The following PARD3 variants were observed in gnomAD, a reference collection of about 807,000 sequenced individuals.
PARD3 encodes the protein par-3 family cell polarity regulator, also known as partitioning defective 3 homolog.
In PARD3, 75 loss-of-function variants were observed where a neutral mutation model predicts 155.4. The observed-to-expected ratio is 0.48, with a 90% CI of 0.40 to 0.58. The LOEUF is 0.58. PARD3 is among the 20% of genes least tolerant of loss of function. The pLI is 0.00. For synonymous variants in PARD3, 576 were observed against 610.5 expected (o/e 0.94, Z 0.83); for missense variants, 1,642 against 1,721.7 (o/e 0.95, Z 0.82).
chr10:34,627,784 A>T (rs1010696813), intron 2 of PARD3, among the ~76,000 whole-genome samples: 3 of 152,208 alleles, frequency 2.0e-5, no homozygotes, highest in Admixed American at 6.5e-5. Context: ...AGTTCTTGGT[A>T]CTTTGTTATG....
At chr10:34,123,984 T>C (rs571223444) in intron 23 of PARD3, among the ~76,000 whole-genome samples, 2 of 152,360 alleles carry the variant, frequency 1.3e-5, no homozygotes, top group African/African-American at 4.8e-5. Context: ...TATATTAACA[T>C]ATACATAGAA....
chr10:34,642,994 T>C (rs1479251927), intron 2 of PARD3, among the ~76,000 whole-genome samples: 2 of 152,196 alleles, frequency 1.3e-5, no homozygotes, highest in Non-Finnish European at 2.9e-5. Flanking sequence ...TCAGAGAAAG[T>C]GGACTTGGCC....
chr10:34,145,241 T>C, intron 22 of PARD3, among the ~76,000 whole-genome samples: 1 of 118,464 alleles, frequency 8.4e-6, no homozygotes, highest in Middle Eastern at 4.7e-3. Context: ...TTTTTTTTTT[T>C]ACAGGATCTT....
At chr10:34,776,369 G>A (rs542079085) in intron 1 of PARD3, among the ~76,000 whole-genome samples, 11 of 152,146 alleles carry the variant, frequency 7.2e-5, no homozygotes, top group Non-Finnish European at 1.2e-4. Context: ...GACAATCTGA[G>A]AAAGACAGAA....
intron 22 of PARD3, among the ~76,000 whole-genome samples, chr10:34,267,926 T>C (rs1955407102): frequency 6.6e-6 from 1 of 152,154 alleles, no homozygotes; most frequent in African/African-American, 2.4e-5. Flanking sequence ...ACACTAAAGC[T>C]TGAGAGCCCC....
At chr10:34,188,969 T>C (rs541947884) in intron 22 of PARD3, among the ~76,000 whole-genome samples, 7 of 152,176 alleles carry the variant, frequency 4.6e-5, no homozygotes, top group Non-Finnish European at 8.8e-5. Flanking sequence ...GTGTGGTCTA[T>C]GGACTCCTAG....
At chr10:34,721,567 C>G (rs1348430009) in intron 1 of PARD3, among the ~76,000 whole-genome samples, 2 of 152,252 alleles carry the variant, frequency 1.3e-5, no homozygotes, top group African/African-American at 2.4e-5. Flanking sequence ...CAGTGATAAG[C>G]TGAGTGACCA....
At chr10:34,343,776 G>A (rs1268419397) in intron 15 of PARD3, 2 of 984,422 alleles carry the variant, frequency 2.0e-6, no homozygotes, top group Non-Finnish European at 2.4e-6. Flanking sequence ...TTTCTGATAG[G>A]TAAACTTTCC....
intron 2 of PARD3, among the ~76,000 whole-genome samples, chr10:34,554,862 C>T (rs639291): frequency 0.55 from 82,949 of 152,006 alleles, 25,739 homozygotes; most frequent in African/African-American, 0.87. Context: ...TGAAGAAATA[C>T]CTAGACATCG....
At chr10:34,775,131 A>G (rs1839376071) in intron 1 of PARD3, among the ~76,000 whole-genome samples, 1 of 152,212 alleles carries the variant, frequency 6.6e-6, no homozygotes, top group Admixed American at 6.5e-5. Flanking sequence ...AGCAGCATAG[A>G]ACCCAATATT....
chr10:34,701,333 A>ATGCTGT (rs1554815382), intron 1 of PARD3, among the ~76,000 whole-genome samples: 3 of 149,976 alleles, frequency 2.0e-5, no homozygotes, highest in Non-Finnish European at 1.5e-5. Flanking sequence ...ACACGCGGGG[A>ATGCTGT]TGTTGTTGTT....
At chr10:34,453,337 T>C (rs1044158736) in intron 4 of PARD3, among the ~76,000 whole-genome samples, 2 of 152,224 alleles carry the variant, frequency 1.3e-5, no homozygotes, top group African/African-American at 4.8e-5. Context: ...TGTTCTAATT[T>C]TACTTTAACT....
At chr10:34,428,393 G>A (rs1422930606) in intron 5 of PARD3, among the ~76,000 whole-genome samples, 2 of 152,166 alleles carry the variant, frequency 1.3e-5, no homozygotes, top group Non-Finnish European at 1.5e-5. Context: ...GTGTGTGCCT[G>A]CAGTTCCAGC....
chr10:34,769,559 C>A (rs1003843532), intron 1 of PARD3, among the ~76,000 whole-genome samples: 6 of 151,788 alleles, frequency 4.0e-5, no homozygotes, highest in Non-Finnish European at 8.8e-5. Context: ...AGTCCGACAC[C>A]AGCTTGGGCA....
chr10:34,440,507 T>G (rs1039569813), intron 5 of PARD3, among the ~76,000 whole-genome samples: 1 of 152,170 alleles, frequency 6.6e-6, no homozygotes, highest in African/African-American at 2.4e-5. Context: ...TGAAAATGTA[T>G]CTTTCTCCGT....
At chr10:34,519,820 A>AAATAACATAAC (rs1554884055) in intron 2 of PARD3, among the ~76,000 whole-genome samples, 6 of 133,852 alleles carry the variant, frequency 4.5e-5, no homozygotes, top group African/African-American at 8.5e-5. Context: ...TCTCAAAATA[A>AAATAACATAAC]ATAACATAAC....
chr10:34,445,495 A>T (rs2076691054), intron 5 of PARD3, among the ~76,000 whole-genome samples: 1 of 152,216 alleles, frequency 6.6e-6, no homozygotes, highest in Non-Finnish European at 1.5e-5. Context: ...ATGCCAAAGA[A>T]GATGTTTTTA....
intron 1 of PARD3, among the ~76,000 whole-genome samples, chr10:34,713,789 C>T (rs2094479584): frequency 6.6e-6 from 1 of 151,702 alleles, no homozygotes. Flanking sequence ...AAAAAGGAAA[C>T]AAAAACAACC....
chr10:34,740,007 C>T lies in PARD3; in HGVS notation c.121-43588G>A, dbSNP rs896387654. ...CTACACACTGACCCGCCAGCGACTCCGTGCAAGTTCATGGAGAAGGGAAGG... is the reference window on the plus strand; with the variant it reads ...CTACACACTGACCCGCCAGCGACTCTGTGCAAGTTCATGGAGAAGGGAAGG... On this transcript the variant is annotated intron_variant, in intron 1 of 24. Transcript: ENST00000374788. Among the ~76,000 whole-genome samples the T allele has an allele frequency of 2.0e-5, 3 of 152,262 alleles. No individual in the cohort carries two copies. In the East Asian group the frequency reaches 5.8e-4, roughly 29 times the overall value.
Sources: gnomAD v4.1 joint callset for allele counts (sites outside exome capture counted in the v4.1 genomes callset) on GRCh38, gnomAD v4.1.1 for gene constraint, MANE v1.5 for transcripts, NCBI Gene and HGNC (gene_info 2026-07-23, HGNC 2026-07-21) for gene names.